Variants in BTRC observed in about 807,000 individuals in gnomAD.
The protein encoded by BTRC is F-box/WD repeat-containing protein 1A.
A neutral mutation model predicts 85.5 loss-of-function variants in BTRC; 42 were observed. That is an observed-to-expected ratio of 0.49 (90% CI 0.38 to 0.64). The LOEUF is 0.64. Ranked by LOEUF, BTRC falls within the 30% of genes least tolerant of loss-of-function variation. BTRC has a pLI of 0.00. For synonymous variants in BTRC, 255 were observed against 263.3 expected (o/e 0.97, Z 0.30); for missense variants, 594 against 743.5 (o/e 0.80, Z 2.34).
chr10:101,527,499 T>C (rs968454938), intron 6 of BTRC, among the ~76,000 whole-genome samples: 2 of 152,174 alleles, frequency 1.3e-5, no homozygotes, highest in African/African-American at 2.4e-5. Context: ...ACGCCTGTAA[T>C]CCCAACAGTT....
At chr10:101,423,195 T>G (rs1944155014) in intron 1 of BTRC, among the ~76,000 whole-genome samples, 2 of 152,180 alleles carry the variant, frequency 1.3e-5, no homozygotes, top group Admixed American at 6.5e-5. Flanking sequence ...ATTATACACA[T>G]GAGCCACCTT....
chr10:101,459,782 A>C (rs538312756), intron 2 of BTRC, among the ~76,000 whole-genome samples: 1 of 152,282 alleles, frequency 6.6e-6, no homozygotes, highest in Admixed American at 6.5e-5. Flanking sequence ...TTATCCATCT[A>C]AATCTGATAA....
At chr10:101,378,472 C>T (rs1417789339) in intron 1 of BTRC, among the ~76,000 whole-genome samples, 1 of 149,132 alleles carries the variant, frequency 6.7e-6, no homozygotes, top group Admixed American at 6.7e-5. Context: ...CATGTCAGTA[C>T]TTTATTTGCT....
At chr10:101,370,126 T>C (rs1942590241) in intron 1 of BTRC, among the ~76,000 whole-genome samples, 1 of 152,204 alleles carries the variant, frequency 6.6e-6, no homozygotes, top group Non-Finnish European at 1.5e-5. Context: ...CCTGTTTTTT[T>C]GTTTGTTTTG....
intron 4 of BTRC, among the ~76,000 whole-genome samples, chr10:101,517,916 T>C (rs1265342090): frequency 6.8e-6 from 1 of 147,420 alleles, no homozygotes; most frequent in Admixed American, 6.8e-5. Context: ...TGTCTTTTTT[T>C]TTTTTTTTTT....
chr10:101,487,733 T>G (rs1946026926), intron 4 of BTRC, among the ~76,000 whole-genome samples: 1 of 152,110 alleles, frequency 6.6e-6, no homozygotes, highest in Non-Finnish European at 1.5e-5. Context: ...ACACTGAAAT[T>G]AATGAGAAGA....
At chr10:101,515,463 C>T (rs937135148) in intron 4 of BTRC, among the ~76,000 whole-genome samples, 1 of 151,886 alleles carries the variant, frequency 6.6e-6, no homozygotes, top group Admixed American at 6.6e-5. Context: ...TAAAATTTCC[C>T]TCAGCAATGT....
intron 1 of BTRC, among the ~76,000 whole-genome samples, chr10:101,359,604 A>ATTTTT (rs57925473): frequency 0.35 from 48,190 of 137,250 alleles, 9,388 homozygotes; most frequent in Middle Eastern, 0.49. Context: ...ATTTTGTTGT[A>ATTTTT]TTTTTTTTTT....
In BTRC at chr10:101,461,986, C is replaced by T; in HGVS notation, c.162C>T (p.Ser54=). ...GTGALTAFQN[S]SEREDCNNGE... ...AAGCTTACTTTCTTTCACAGAATTC[C>T]TCAGAGAGAGAAGACTGTAATAATG... Residue 54 remains serine, a synonymous_variant, in exon 3 of 15, where the codon TCC becomes TCT. Transcript: ENST00000370187. The T allele has an allele frequency of 6.2e-7, 1 of 1,608,430 alleles. No homozygotes were observed. Among genetic ancestry groups the T allele is most frequent in the Non-Finnish European group, 8.5e-7 (1 of 1,175,894 alleles).
chr10:101,375,323 C>T (rs1206489264), intron 1 of BTRC, among the ~76,000 whole-genome samples: 1 of 152,116 alleles, frequency 6.6e-6, no homozygotes, highest in African/African-American at 2.4e-5. Context: ...GATGCACCTG[C>T]TTCCCCTTTG....
At chr10:101,361,112 AT>A (rs201606101) in intron 1 of BTRC, among the ~76,000 whole-genome samples, 22 of 147,392 alleles carry the variant, frequency 1.5e-4, no homozygotes, top group African/African-American at 1.5e-4. Context: ...AGCTTTAGCA[AT>A]TTTTTTTTTT....
chr10:101,505,177 A>ATATATT (rs1344102937), intron 4 of BTRC, among the ~76,000 whole-genome samples: 12 of 139,392 alleles, frequency 8.6e-5, no homozygotes, highest in East Asian at 2.1e-4. Context: ...ATATATATAT[A>ATATATT]TTTTTTAGTA....
At chr10:101,509,688 G>GTCT (rs1564815755) in intron 4 of BTRC, among the ~76,000 whole-genome samples, 21 of 148,788 alleles carry the variant, frequency 1.4e-4, no homozygotes, top group Admixed American at 2.7e-4. Flanking sequence ...AAGTAACTGA[G>GTCT]ACTACAGGCA....
intron 3 of BTRC, among the ~76,000 whole-genome samples, chr10:101,470,118 CTT>C (rs1482954592): frequency 6.6e-6 from 1 of 152,036 alleles, no homozygotes; most frequent in African/African-American, 2.4e-5. Context: ...TGTGAAGTAT[CTT>C]TTAAGTTTTT....
chr10:101,395,887 A>G (rs1033456535), intron 1 of BTRC, among the ~76,000 whole-genome samples: 11 of 152,102 alleles, frequency 7.2e-5, no homozygotes, highest in Non-Finnish European at 1.3e-4. Context: ...TTTTCCTTAA[A>G]TAGTAGTAAT....
chr10:101,425,642 T>A (rs931619074), intron 1 of BTRC, among the ~76,000 whole-genome samples: 17 of 146,504 alleles, frequency 1.2e-4, no homozygotes, highest in African/African-American at 2.5e-4. Context: ...TTTTTTTTTT[T>A]AATTAAAAAA....
chr10:101,404,570 T>G (rs569302888), intron 1 of BTRC, among the ~76,000 whole-genome samples: 7 of 152,210 alleles, frequency 4.6e-5, no homozygotes, highest in Non-Finnish European at 1.0e-4. Flanking sequence ...AGTTGAGATT[T>G]CTGTAGGATT....
chr10:101,369,257 G>A (rs1331415384), intron 1 of BTRC, among the ~76,000 whole-genome samples: 2 of 148,546 alleles, frequency 1.3e-5, no homozygotes, highest in Middle Eastern at 6.9e-3. Context: ...TTGCCCTCTT[G>A]TCCAGGCTCT....
chr10:101,370,791 C>A (rs188190493), intron 1 of BTRC, among the ~76,000 whole-genome samples: 1 of 151,890 alleles, frequency 6.6e-6, no homozygotes, highest in East Asian at 2.0e-4. Context: ...AGGCTGGTCT[C>A]AAGCTCCTGG....
Sources: allele counts gnomAD v4.1 joint callset (sites outside exome capture counted in the v4.1 genomes callset), GRCh38; gene constraint gnomAD v4.1.1; transcripts MANE v1.5; gene names NCBI Gene and HGNC (gene_info 2026-07-23, HGNC 2026-07-21).